The following TAS2R1 variants were observed in gnomAD, a reference collection of about 807,000 sequenced individuals.
TAS2R1 encodes taste 2 receptor member 1.
For synonymous variants in TAS2R1, 141 were observed against 134.2 expected (o/e 1.05, Z -0.35); for missense variants, 370 against 353.4 (o/e 1.05, Z -0.38).
the TAS2R1 span, among the ~76,000 whole-genome samples, chr5:9,899,212 G>T: frequency 6.6e-6 from 1 of 152,142 alleles, no homozygotes; most frequent in Admixed American, 6.5e-5. Context: ...ACCACCAGAG[G>T]AGTTCAGAGG....
the TAS2R1 span, among the ~76,000 whole-genome samples, chr5:9,774,260 G>T: frequency 6.6e-6 from 1 of 152,108 alleles, no homozygotes; most frequent in African/African-American, 2.4e-5. Flanking sequence ...CAGAATTTCT[G>T]CTTGATTCTT....
intron 1 of TAS2R1, among the ~76,000 whole-genome samples, chr5:9,692,891 C>G (rs190047159): frequency 1.5e-4 from 23 of 152,212 alleles, no homozygotes; most frequent in Admixed American, 8.5e-4. Flanking sequence ...AAAATTTATT[C>G]ACCAAGGAAG....
chr5:9,878,499 C>T, the TAS2R1 span, among the ~76,000 whole-genome samples: 4 of 152,292 alleles, frequency 2.6e-5, no homozygotes, highest in African/African-American at 9.6e-5. Context: ...AAGTGAACCA[C>T]GAACGCTTGT....
At chr5:9,657,874 A>G (rs1012368873) in intron 2 of TAS2R1, among the ~76,000 whole-genome samples, 4 of 152,202 alleles carry the variant, frequency 2.6e-5, no homozygotes, top group Non-Finnish European at 5.9e-5. Context: ...AAAGATTAAA[A>G]TGGTAAATTT....
intron 1 of TAS2R1, among the ~76,000 whole-genome samples, chr5:9,699,772 G>C (rs1741438667): frequency 2.0e-5 from 3 of 152,146 alleles, no homozygotes; most frequent in Non-Finnish European, 4.4e-5. Flanking sequence ...TTTAATTGCA[G>C]TATGCTGCTG....
At chr5:9,878,107 A>AT in the TAS2R1 span, among the ~76,000 whole-genome samples, 1 of 152,190 alleles carries the variant, frequency 6.6e-6, no homozygotes, top group African/African-American at 2.4e-5. Flanking sequence ...ACCATGAGTC[A>AT]TTTGGGGGCT....
At chr5:9,743,219 T>C in the TAS2R1 span, among the ~76,000 whole-genome samples, 1 of 152,204 alleles carries the variant, frequency 6.6e-6, no homozygotes, top group East Asian at 1.9e-4. Flanking sequence ...AACTCCCTTT[T>C]TTCTCTTCTG....
the TAS2R1 span, among the ~76,000 whole-genome samples, chr5:9,750,668 T>A: frequency 3.3e-5 from 5 of 152,292 alleles, no homozygotes; most frequent in Middle Eastern, 3.4e-3. Flanking sequence ...ACATAACTCA[T>A]CACAATCCCT....
chr5:9,833,520 C>T, the TAS2R1 span, among the ~76,000 whole-genome samples: 3 of 152,056 alleles, frequency 2.0e-5, no homozygotes, highest in Admixed American at 1.3e-4. Flanking sequence ...TGAAAAGATG[C>T]CCTGATGCTG....
the TAS2R1 span, among the ~76,000 whole-genome samples, chr5:9,780,673 A>ATGTGTG: frequency 0.31 from 47,499 of 151,520 alleles, 8,168 homozygotes; most frequent in Admixed American, 0.41. Context: ...AACTAACAGA[A>ATGTGTG]TGTGTGTGTG....
At chr5:9,829,082 A>G in the TAS2R1 span, among the ~76,000 whole-genome samples, 1 of 152,204 alleles carries the variant, frequency 6.6e-6, no homozygotes, top group Non-Finnish European at 1.5e-5. Flanking sequence ...AAAGAACCTC[A>G]GCTGTGTTGA....
the TAS2R1 span, among the ~76,000 whole-genome samples, chr5:9,731,303 C>G: frequency 6.6e-6 from 1 of 152,142 alleles, no homozygotes; most frequent in Non-Finnish European, 1.5e-5. Context: ...CTGCCTCCCT[C>G]CCACCGGCAT....
At chr5:9,679,552 A>C (rs1740954511) in intron 1 of TAS2R1, among the ~76,000 whole-genome samples, 1 of 152,352 alleles carries the variant, frequency 6.6e-6, no homozygotes, top group East Asian at 1.9e-4. Context: ...ACTCTAGTTG[A>C]TAAAGTTATA....
the TAS2R1 span, among the ~76,000 whole-genome samples, chr5:9,853,668 T>C: frequency 4.6e-5 from 7 of 152,104 alleles, no homozygotes; most frequent in Non-Finnish European, 7.4e-5. Context: ...CAAGAAACCC[T>C]TGGCGATATC....
chr5:9,772,315 A>G, the TAS2R1 span, among the ~76,000 whole-genome samples: 1 of 152,100 alleles, frequency 6.6e-6, no homozygotes, highest in South Asian at 2.1e-4. Context: ...TATAGTTTCC[A>G]AAGTTTCTCT....
intron 1 of TAS2R1, among the ~76,000 whole-genome samples, chr5:9,686,484 CT>C (rs1471723567): frequency 1.3e-5 from 2 of 152,142 alleles, no homozygotes; most frequent in East Asian, 3.9e-4. Flanking sequence ...TTCCCTGGGA[CT>C]TTGCTCTGTC....
intron 2 of TAS2R1, among the ~76,000 whole-genome samples, chr5:9,648,340 GT>G (rs575325432): frequency 3.2e-4 from 48 of 152,036 alleles, no homozygotes; most frequent in Non-Finnish European, 5.1e-4. Flanking sequence ...TAAGAAATCT[GT>G]TTTTATGCCT....
At chr5:9,857,961 T>C in the TAS2R1 span, among the ~76,000 whole-genome samples, 2 of 151,988 alleles carry the variant, frequency 1.3e-5, no homozygotes, top group Non-Finnish European at 2.9e-5. Flanking sequence ...GGTGCCAACC[T>C]GGTGACTAGG....
chr5:9,688,477 C>T (rs1317204914), intron 1 of TAS2R1, among the ~76,000 whole-genome samples: 1 of 152,178 alleles, frequency 6.6e-6, no homozygotes, highest in East Asian at 1.9e-4. Flanking sequence ...CTCCTCATCC[C>T]TGTCTGGGTG....
Sources: gnomAD v4.1 joint callset for allele counts (sites outside exome capture counted in the v4.1 genomes callset) on GRCh38, gnomAD v4.1.1 for gene constraint, MANE v1.5 for transcripts, NCBI Gene and HGNC (gene_info 2026-07-23, HGNC 2026-07-21) for gene names.